GRIK4: variants seen among roughly 807,000 people sequenced by gnomAD.
GRIK4 encodes the protein glutamate ionotropic receptor kainate type subunit 4, also known as glutamate receptor ionotropic, kainate 4.
Under a neutral mutation model 104.9 loss-of-function variants are expected in GRIK4, and 40 were observed. That is an observed-to-expected ratio of 0.38 (90% confidence interval 0.30 to 0.50). GRIK4 has a LOEUF of 0.50. GRIK4 is among the 20% of genes least tolerant of loss of function. The pLI is 0.93. For synonymous variants in GRIK4, 485 were observed against 524.9 expected (o/e 0.92, Z 1.04); for missense variants, 1,047 against 1,308.1 (o/e 0.80, Z 3.08).
At chr11:120,859,278 T>G (rs1049645518) in intron 8 of GRIK4, 1 of 152,212 alleles carries the variant, frequency 6.6e-6, no homozygotes, top group Non-Finnish European at 1.5e-5. Flanking sequence ...TGCATCTTAC[T>G]TGTTTCTTGA....
intron 1 of GRIK4, among the ~76,000 whole-genome samples, chr11:120,557,194 G>A (rs908424765): frequency 1.2e-4 from 18 of 152,268 alleles, no homozygotes; most frequent in Admixed American, 3.3e-4. Flanking sequence ...CTGGAGGACC[G>A]GATAGAATTC....
Position 120,986,233 on chromosome 11 carries a change from A to T in GRIK4, c.2844A>T (p.Lys948Asn). 6.4e-7 allele frequency: 1 copy of T among 1,571,610 alleles called. No homozygotes were observed. Among genetic ancestry groups the T allele is most frequent in the Non-Finnish European group, 8.6e-7 (1 of 1,168,540 alleles). ...ARSEESLEWEKTTNSSEPE is the reference protein window; with the variant it reads ...ARSEESLEWENTTNSSEPE ...GCGAGGAGAGCCTGGAGTGGGAGAA[A>T]ACCACCAACAGCAGCGAGCCCGAGT... is the stretch of plus-strand genomic sequence containing the variant. The change falls in exon 21 of 21, where the codon AAA (lysine) becomes AAT (asparagine). Residue 948 changes from lysine to asparagine, a missense_variant. Physicochemically the swap from Lys to Asn is moderately conservative, Grantham distance 94 (BLOSUM62 0). Coordinates refer to ENST00000527524, the MANE Select transcript of GRIK4 (RefSeq NM_014619.5).
intron 8 of GRIK4, 28 bp from the exon 9 acceptor site, chr11:120,861,931 T>G (rs1157953866): frequency 6.3e-7 from 1 of 1,591,118 alleles, no homozygotes; most frequent in Non-Finnish European, 8.6e-7. Flanking sequence ...CTAACTACAT[T>G]CTTATTTCTG....
At chr11:120,695,497 C>G (rs774917869) in intron 3 of GRIK4, among the ~76,000 whole-genome samples, 2 of 152,228 alleles carry the variant, frequency 1.3e-5, no homozygotes, top group Non-Finnish European at 1.5e-5. Flanking sequence ...TTGCCCATAT[C>G]AAGATGTTAG....
intron 3 of GRIK4, among the ~76,000 whole-genome samples, chr11:120,724,164 T>C (rs555764797): frequency 6.6e-6 from 1 of 152,348 alleles, no homozygotes; most frequent in African/African-American, 2.4e-5. Flanking sequence ...TGTTTGTTTT[T>C]GAGAGACAAG....
chr11:120,769,085 T>C (rs1951892249), intron 3 of GRIK4, among the ~76,000 whole-genome samples: 1 of 152,196 alleles, frequency 6.6e-6, no homozygotes, highest in African/African-American at 2.4e-5. Context: ...TCTAGCTGTA[T>C]TTTTTGGAAG....
intron 3 of GRIK4, among the ~76,000 whole-genome samples, chr11:120,723,975 CCCTGCTCTTGG>C (rs1222019932): frequency 6.6e-6 from 1 of 151,832 alleles, no homozygotes; most frequent in Admixed American, 6.6e-5. Context: ...TCTCCCTACC[CCCTGCTCTTGG>C]CAACCACTGA....
At chr11:120,700,650 G>T (rs1259589147) in intron 3 of GRIK4, among the ~76,000 whole-genome samples, 1 of 152,078 alleles carries the variant, frequency 6.6e-6, no homozygotes, top group Non-Finnish European at 1.5e-5. Flanking sequence ...GTAGAGACGG[G>T]GTTTCACCAT....
intron 3 of GRIK4, among the ~76,000 whole-genome samples, chr11:120,785,091 C>T (rs1952237764): frequency 6.6e-6 from 1 of 152,202 alleles, no homozygotes; most frequent in South Asian, 2.1e-4. Context: ...TTCATTCCCA[C>T]TCTGTCCCAT....
chr11:120,624,649 C>T (rs1949232930), intron 1 of GRIK4, among the ~76,000 whole-genome samples: 1 of 152,178 alleles, frequency 6.6e-6, no homozygotes, highest in Non-Finnish European at 1.5e-5. Context: ...ATCTCGTACC[C>T]TGCCGCGGAG....
At chr11:120,578,794 AC>A (rs1440896514) in intron 1 of GRIK4, among the ~76,000 whole-genome samples, 1 of 151,984 alleles carries the variant, frequency 6.6e-6, no homozygotes, top group African/African-American at 2.4e-5. Context: ...TTCTGGTAAC[AC>A]CCTGCTATGT....
chr11:120,678,601 G>A (rs563271776), intron 3 of GRIK4, among the ~76,000 whole-genome samples: 2 of 151,186 alleles, frequency 1.3e-5, no homozygotes, highest in African/African-American at 2.4e-5. Flanking sequence ...TAGACCAGGC[G>A]AGGGGCTCCA....
At chr11:120,674,083 G>A (rs1591792979) in intron 3 of GRIK4, among the ~76,000 whole-genome samples, 1 of 152,188 alleles carries the variant, frequency 6.6e-6, no homozygotes, top group Admixed American at 6.5e-5. Context: ...CATGGCTCCC[G>A]GCATCTTCTT....
intron 3 of GRIK4, among the ~76,000 whole-genome samples, chr11:120,764,077 C>T (rs1951793329): frequency 6.6e-6 from 1 of 152,136 alleles, no homozygotes; most frequent in Non-Finnish European, 1.5e-5. Flanking sequence ...GTATGGGAGT[C>T]TAAGTCTCTT....
intron 6 of GRIK4, among the ~76,000 whole-genome samples, chr11:120,822,466 C>A (rs1246348541): frequency 1.3e-5 from 2 of 152,160 alleles, no homozygotes; most frequent in Non-Finnish European, 2.9e-5. Flanking sequence ...CGTCATTACA[C>A]CTGTATTTAT....
At chr11:120,852,611 A>G (rs975223237) in intron 8 of GRIK4, among the ~76,000 whole-genome samples, 1 of 152,206 alleles carries the variant, frequency 6.6e-6, no homozygotes, top group African/African-American at 2.4e-5. Context: ...CTCCTATTAA[A>G]TAGAATTCAT....
intron 1 of GRIK4, among the ~76,000 whole-genome samples, chr11:120,512,316 C>G (rs1409082795): frequency 6.6e-6 from 1 of 151,778 alleles, no homozygotes; most frequent in African/African-American, 2.4e-5. Flanking sequence ...CGCGTCTCCC[C>G]TACACCTCGT....
At chr11:120,580,218 TC>T (rs1948554481) in intron 1 of GRIK4, among the ~76,000 whole-genome samples, 1 of 138,002 alleles carries the variant, frequency 7.2e-6, no homozygotes, top group Admixed American at 7.0e-5. Flanking sequence ...TTTCTTTCTT[TC>T]TTTCTTTCTT....
At chr11:120,543,400 C>T (rs1034600433) in intron 1 of GRIK4, among the ~76,000 whole-genome samples, 8 of 152,008 alleles carry the variant, frequency 5.3e-5, no homozygotes, top group Non-Finnish European at 1.0e-4. Context: ...ATGGCGAAAC[C>T]CTGTCTCTAC....
Sources: gnomAD v4.1 joint callset for allele counts (sites outside exome capture counted in the v4.1 genomes callset) on GRCh38, gnomAD v4.1.1 for gene constraint, MANE v1.5 for transcripts, NCBI Gene and HGNC (gene_info 2026-07-23, HGNC 2026-07-21) for gene names.